Variants in ARHGEF9 observed in about 807,000 individuals in gnomAD.
ARHGEF9 encodes rho guanine nucleotide exchange factor 9.
In ARHGEF9, 2 loss-of-function variants were observed where a neutral mutation model predicts 41.3. That is an observed-to-expected ratio of 0.05 (90% CI 0.02 to 0.15). ARHGEF9 has a LOEUF of 0.15. Among genes scored for constraint, ARHGEF9 ranks in the 10% least tolerant of loss-of-function variants. The pLI is 1.00. For missense variants in ARHGEF9, 225 were observed against 424.7 expected, an observed-to-expected ratio of 0.53 and a Z score of 4.13; for synonymous variants, 160 against 154.4, an observed-to-expected ratio of 1.04 and a Z score of -0.27.
intron 1 of ARHGEF9, 111 bp downstream of exon 1, chrX:63,785,005 G>A: frequency 4.2e-6 from 4 of 948,186 alleles, no homozygotes; most frequent in Non-Finnish European, 2.9e-6. Flanking sequence ...CGGCTAGGGC[G>A]GTGGGCAGAG....
At chrX:63,639,587 C>T (rs1329816034) in intron 9 of ARHGEF9, 3 of 111,538 alleles carry the variant, frequency 2.7e-5, no homozygotes, top group Non-Finnish European at 3.8e-5. Context: ...TGTTGTTACA[C>T]TTTTATAATC....
chrX:63,725,345 C>G (rs2053894314), intron 1 of ARHGEF9, among the ~76,000 whole-genome samples: 1 of 111,885 alleles, frequency 8.9e-6, no homozygotes, highest in African/African-American at 3.3e-5. Flanking sequence ...AGAAACTCAA[C>G]TTTAGCACAC....
chrX:63,767,163 T>C (rs1310987471), intron 1 of ARHGEF9: 9 of 810,364 alleles, frequency 1.1e-5, no homozygotes, highest in African/African-American at 1.0e-4. Flanking sequence ...AGAAATGCCA[T>C]GCAGCATCTT....
At chrX:63,640,861 T>A (rs781796329) in intron 9 of ARHGEF9, 1 of 111,709 alleles carries the variant, frequency 9.0e-6, no homozygotes, top group African/African-American at 3.3e-5. Flanking sequence ...CCAGCTTTCA[T>A]GGTTATCTTA....
At chrX:63,768,348 TTA>T (rs1171337306) in intron 1 of ARHGEF9, among the ~76,000 whole-genome samples, 3 of 112,156 alleles carry the variant, frequency 2.7e-5, no homozygotes, top group Non-Finnish European at 5.6e-5. Context: ...TCCACGGTGT[TTA>T]TATACCATAT....
intron 1 of ARHGEF9, among the ~76,000 whole-genome samples, chrX:63,734,791 C>G (rs1181390072): frequency 8.9e-6 from 1 of 111,977 alleles, no homozygotes; most frequent in Non-Finnish European, 1.9e-5. Context: ...CTAGTTCTAA[C>G]AGCAAGTCCT....
intron 6 of ARHGEF9, among the ~76,000 whole-genome samples, chrX:63,669,861 A>G (rs1241443370): frequency 8.9e-6 from 1 of 112,066 alleles, no homozygotes; most frequent in Non-Finnish European, 1.9e-5. Context: ...ATATAAATCA[A>G]TGAGAGTGGA....
At chrX:63,768,799 A>G (rs1405336208) in intron 1 of ARHGEF9, among the ~76,000 whole-genome samples, 2 of 111,753 alleles carry the variant, frequency 1.8e-5, no homozygotes, top group African/African-American at 6.5e-5. Context: ...TTTGCCTGCC[A>G]CCATCCACTT....
intron 6 of ARHGEF9, 97 bp from the exon 7 acceptor site, chrX:63,666,114 A>G: frequency 9.1e-7 from 1 of 1,103,663 alleles, no homozygotes; most frequent in Non-Finnish European, 1.2e-6. Context: ...CTGGGATAGG[A>G]AGAGGCCAGA....
intron 8 of ARHGEF9, among the ~76,000 whole-genome samples, chrX:63,649,254 G>A (rs1202041822): frequency 1.8e-5 from 2 of 111,410 alleles, no homozygotes; most frequent in Admixed American, 9.5e-5. Flanking sequence ...AGACCACAGT[G>A]AAATCAAACT....
chrX:63,644,484 T>C (rs1414262848), intron 8 of ARHGEF9, among the ~76,000 whole-genome samples: 1 of 109,937 alleles, frequency 9.1e-6, no homozygotes, highest in African/African-American at 3.3e-5. Context: ...AAATGGAAAA[T>C]AGTAACAAAT....
intron 4 of ARHGEF9, among the ~76,000 whole-genome samples, chrX:63,683,840 T>A (rs2050812600): frequency 9.0e-6 from 1 of 110,632 alleles, no homozygotes; most frequent in African/African-American, 3.3e-5. Flanking sequence ...TACACAAAAA[T>A]CAACTCAAAA....
At chrX:63,739,521 T>C (rs1176221602) in intron 1 of ARHGEF9, among the ~76,000 whole-genome samples, 7 of 111,565 alleles carry the variant, frequency 6.3e-5, no homozygotes, top group African/African-American at 2.0e-4. Flanking sequence ...CTGGAATTCA[T>C]TGGTGGCAGC....
At chrX:63,754,690 G>T in intron 1 of ARHGEF9, 1 of 960,345 alleles carries the variant, frequency 1.0e-6, no homozygotes, top group Non-Finnish European at 1.3e-6. Context: ...GAAAGGAGAG[G>T]AGGAAGTAGG....
intron 8 of ARHGEF9, among the ~76,000 whole-genome samples, chrX:63,646,580 T>C (rs1490929086): frequency 3.6e-5 from 4 of 111,869 alleles, no homozygotes; most frequent in South Asian, 3.7e-4. Context: ...TTCTGTTCCA[T>C]TGGTTTATAT....
chrX:63,704,533 A>G (rs2052402447), intron 3 of ARHGEF9, among the ~76,000 whole-genome samples: 1 of 112,070 alleles, frequency 8.9e-6, no homozygotes, highest in African/African-American at 3.2e-5. Flanking sequence ...TTTTTTTAGC[A>G]TCAGCCATTG....
intron 1 of ARHGEF9, among the ~76,000 whole-genome samples, chrX:63,731,401 T>A (rs2054271505): frequency 9.0e-6 from 1 of 110,993 alleles, no homozygotes; most frequent in South Asian, 3.8e-4. Flanking sequence ...AGGATAATCA[T>A]CCTCCCTATT....
intron 1 of ARHGEF9, among the ~76,000 whole-genome samples, chrX:63,755,672 G>A (rs2055907397): frequency 9.0e-6 from 1 of 111,616 alleles, no homozygotes; most frequent in Admixed American, 9.4e-5. Context: ...GGGCCAAGGA[G>A]GAAGCAAAGG....
At chrX:63,724,411 G>A (rs1423202049) in intron 2 of ARHGEF9, 121 bp downstream of exon 2, 13 of 836,181 alleles carry the variant, frequency 1.6e-5, no homozygotes, top group Non-Finnish European at 2.2e-5. Context: ...TTTAAAAAAA[G>A]GAAAAAAATA....
Sources: gnomAD v4.1 joint callset for allele counts (sites outside exome capture counted in the v4.1 genomes callset) on GRCh38, gnomAD v4.1.1 for gene constraint, MANE v1.5 for transcripts, NCBI Gene and HGNC (gene_info 2026-07-23, HGNC 2026-07-21) for gene names.